MROH9: variants seen among roughly 807,000 people sequenced by gnomAD.
MROH9 encodes maestro heat-like repeat-containing protein family member 9.
In MROH9, 92 loss-of-function variants were observed where a neutral mutation model predicts 98.2. The ratio of observed to expected loss-of-function variants is 0.94; its 90% confidence interval spans 0.79 to 1.11. The LOEUF is 1.11. MROH9 is among the 50% of genes most tolerant of loss of function. MROH9 has a pLI of 0.00. For synonymous variants in MROH9, 397 were observed against 368.9 expected, an observed-to-expected ratio of 1.08 and a Z score of -0.87; for missense variants, 1,057 against 1,014.8, an observed-to-expected ratio of 1.04 and a Z score of -0.57.
intron 12 of MROH9, among the ~76,000 whole-genome samples, chr1:170,993,500 A>C (rs181055494): frequency 2.6e-5 from 4 of 152,210 alleles, no homozygotes; most frequent in African/African-American, 9.6e-5. Flanking sequence ...TTCAACCATC[A>C]GTATTGTTTC....
At chr1:170,947,708 C>A in intron 3 of MROH9, 135 bp downstream of exon 3, 1 of 732,072 alleles carries the variant, frequency 1.4e-6, no homozygotes, top group Non-Finnish European at 2.2e-6. Flanking sequence ...GAAAAAAAGG[C>A]AATTTGGTTA....
At chr1:170,958,423 A>ATTT (rs1553210741) in intron 3 of MROH9, 38 bp from the exon 4 acceptor site, 1 of 1,163,244 alleles carries the variant, frequency 8.6e-7, no homozygotes, top group Non-Finnish European at 1.2e-6. Flanking sequence ...GTAATCATTA[A>ATTT]TTCTTCTTTT....
At chr1:170,950,932 T>C (rs970651144) in intron 3 of MROH9, among the ~76,000 whole-genome samples, 1 of 152,090 alleles carries the variant, frequency 6.6e-6, no homozygotes, top group Non-Finnish European at 1.5e-5. Context: ...TCTTTTAGCC[T>C]TTATTTTTAT....
intron 3 of MROH9, among the ~76,000 whole-genome samples, chr1:170,957,162 G>T (rs945672018): frequency 6.6e-6 from 1 of 152,006 alleles, no homozygotes; most frequent in Non-Finnish European, 1.5e-5. Context: ...CTGTGCAGAA[G>T]CTTGTTAGTT....
chr1:170,943,556 G>GCT (rs1318237575), intron 1 of MROH9, among the ~76,000 whole-genome samples: 1 of 151,796 alleles, frequency 6.6e-6, no homozygotes, highest in Admixed American at 6.6e-5. Flanking sequence ...TCAATGATGA[G>GCT]CTCTTTACTT....
chr1:170,989,380 T>C (rs1465335910), intron 10 of MROH9, among the ~76,000 whole-genome samples: 1 of 152,176 alleles, frequency 6.6e-6, no homozygotes, highest in Non-Finnish European at 1.5e-5. Context: ...TTTGCAACAT[T>C]GTGGGTTAGT....
At chr1:171,022,963 A>G (rs1357899434) in intron 17 of MROH9, among the ~76,000 whole-genome samples, 4 of 152,348 alleles carry the variant, frequency 2.6e-5, no homozygotes, top group African/African-American at 9.6e-5. Flanking sequence ...CAGAGCGCTC[A>G]TATAAAAAAA....
intron 3 of MROH9, among the ~76,000 whole-genome samples, chr1:170,951,034 AGATGTCTTCCTATGTG>A (rs991382989): frequency 2.0e-5 from 3 of 151,980 alleles, no homozygotes; most frequent in African/African-American, 7.2e-5. Context: ...ATAAATTGAA[AGATGTCTTCCTATGTG>A]GATTTGAAGG....
At chr1:171,028,583 T>C (rs903465095) in intron 20 of MROH9, among the ~76,000 whole-genome samples, 1 of 152,248 alleles carries the variant, frequency 6.6e-6, no homozygotes, top group Admixed American at 6.5e-5. Flanking sequence ...GGTAGTTTGA[T>C]GGGAATAGTA....
intron 20 of MROH9, among the ~76,000 whole-genome samples, chr1:171,045,236 G>T (rs922735716): frequency 1.3e-5 from 2 of 151,538 alleles, no homozygotes; most frequent in Non-Finnish European, 2.9e-5. Flanking sequence ...TCCTGACCTC[G>T]TGATCCGCCC....
intron 15 of MROH9, among the ~76,000 whole-genome samples, chr1:171,005,881 T>G (rs1270930825): frequency 6.6e-6 from 1 of 152,084 alleles, no homozygotes; most frequent in Non-Finnish European, 1.5e-5. Context: ...ATTTTTATAT[T>G]GTGTGTTCAT....
intron 17 of MROH9, among the ~76,000 whole-genome samples, chr1:171,017,060 GA>G (rs1225292044): frequency 5.9e-5 from 9 of 152,058 alleles, no homozygotes; most frequent in South Asian, 2.1e-4. Context: ...ATTAAATTAT[GA>G]AAAAAAGTAG....
At position 170,947,507 on chromosome 1, in the gene MROH9, A is replaced by T. The variant is rs1445436818; in HGVS notation, c.26-20A>T. The stretch of plus-strand genomic sequence containing the variant: ...GTCTATGTTCATTCCTTTTTAACGA[A>T]TCTCCTTCTTTCTGGCTAGAGAGTA... On this transcript the variant is annotated intron_variant, in intron 2 of 21. Transcript: ENST00000367759. The T allele has an allele frequency of 6.2e-7, 1 of 1,606,780 alleles. No individual in the cohort carries two copies. Among genetic ancestry groups the T allele is most frequent in the Non-Finnish European group, 8.5e-7 (1 of 1,174,726 alleles).
At chr1:171,045,903 A>G (rs1056549100) in intron 20 of MROH9, among the ~76,000 whole-genome samples, 2 of 152,140 alleles carry the variant, frequency 1.3e-5, no homozygotes, top group African/African-American at 4.8e-5. Flanking sequence ...TGAAGTCTCC[A>G]GTTATTATTA....
At chr1:171,019,522 C>T (rs1200897897) in intron 17 of MROH9, among the ~76,000 whole-genome samples, 1 of 151,912 alleles carries the variant, frequency 6.6e-6, no homozygotes, top group Admixed American at 6.6e-5. Context: ...TGTGGTGGCA[C>T]ATGCCTGTAA....
At position 171,016,157 on chromosome 1, in the gene MROH9, A is replaced by T. The variant is rs1310670874; in HGVS notation, c.1735-6A>T. 1.2e-5 allele frequency: 17 copies of T among 1,448,952 alleles called. No homozygotes were observed. The Admixed American group carries it at 1.9e-4, about 16-fold the overall frequency. The allele number at this position is 1,448,952 out of a possible 1,614,324, so 89.8% of individuals were successfully genotyped here. ...AAATCCCACCATTTTTTCCTTTTAT[A>T]TGTAGACAGAAAATGTCAGCAGTAT... On this transcript the variant is annotated splice_polypyrimidine_tract_variant and splice_region_variant and intron_variant, in intron 16 of 21. Coordinates refer to ENST00000367759, the MANE Select transcript of MROH9 (RefSeq NM_001163629.2).
rs1258010212 is a variant in MROH9, at chr1:171,006,194, G to C, written c.1596+7920G>C. 2.0e-5 allele frequency among the ~76,000 whole-genome samples: 3 copies of C among 151,648 alleles called. No homozygotes were observed. The East Asian group carries it at 5.8e-4, about 29-fold the overall frequency. ...TAATTCTCAAGGACAGCTTTGTCAG[G>C]TATAGTATTCTTGGTTGTCAGGTTT... On this transcript the variant is annotated intron_variant, in intron 15 of 21. Coordinates refer to ENST00000367759, the MANE Select transcript of MROH9 (RefSeq NM_001163629.2).
intron 20 of MROH9, among the ~76,000 whole-genome samples, chr1:171,048,376 ACT>A (rs1653532908): frequency 1.3e-5 from 2 of 150,718 alleles, no homozygotes; most frequent in Admixed American, 6.6e-5. Context: ...AATCCTTCCC[ACT>A]CTCCTCTCCC....
At chr1:170,975,948 T>C (rs1011638808) in intron 8 of MROH9, among the ~76,000 whole-genome samples, 4 of 152,182 alleles carry the variant, frequency 2.6e-5, no homozygotes, top group Admixed American at 1.3e-4. Context: ...TTAAAGTCTA[T>C]TTTGCCTGAG....
Sources: gnomAD v4.1 joint callset for allele counts (sites outside exome capture counted in the v4.1 genomes callset) on GRCh38, gnomAD v4.1.1 for gene constraint, MANE v1.5 for transcripts, NCBI Gene and HGNC (gene_info 2026-07-23, HGNC 2026-07-21) for gene names.